Variants in HMX1 observed in about 807,000 individuals in gnomAD.
HMX1 encodes the protein homeobox protein HMX1.
In HMX1, 8 loss-of-function variants were observed where a neutral mutation model predicts 8.9. That is an observed-to-expected ratio of 0.90 (90% CI 0.53 to 1.63). HMX1 has a LOEUF of 1.63. HMX1 is among the 40% of genes most tolerant of loss of function. HMX1 has a pLI of 0.00. For synonymous variants in HMX1, 311 were observed against 283.4 expected (o/e 1.10, Z -0.98); for missense variants, 621 against 558.5 (o/e 1.11, Z -1.13).
rs147218860 is a variant in HMX1 at position 8,851,443 on chromosome 4, C to T, written c.395-5119G>A. ...TGCACCCCAAGGGGCAGCTGAGAAGCGAAGGCAGCCAGCACATTACTCCTA... is the reference window on the plus strand; with the variant it reads ...TGCACCCCAAGGGGCAGCTGAGAAGTGAAGGCAGCCAGCACATTACTCCTA... On this transcript the variant is annotated intron_variant, in intron 1 of 1. Transcript: ENST00000506970. 2.4e-3 allele frequency among the ~76,000 whole-genome samples: 361 copies of T among 152,284 alleles called. 2 individuals carry two copies. Among genetic ancestry groups the T allele is most frequent in the Non-Finnish European group, 3.8e-3 (256 of 68,026 alleles).
At chr4:8,866,671 C>G (rs1324778945), downstream of HMX1, among the ~76,000 whole-genome samples, 5 of 152,240 alleles carry the variant, frequency 3.3e-5, no homozygotes, top group Non-Finnish European at 5.9e-5. Context: ...AAGAAAAATT[C>G]CATACCAGAT....
chr4:8,864,018 G>T (rs139852216), downstream of HMX1, among the ~76,000 whole-genome samples: 1,444 of 152,300 alleles, frequency 9.5e-3, 15 homozygotes, highest in African/African-American at 0.033. Flanking sequence ...GTGGGGAGCT[G>T]ATTTCCCACC....
chr4:8,868,233 C>T lies in HMX1; in HGVS notation c.507G>A (p.Ala169=), dbSNP rs1012257587. Residue 169 remains alanine, a synonymous_variant, in exon 2 of 2, where the codon GCG becomes GCA. Transcript: ENST00000400677. The surrounding 1 kb of genome is among the most constrained non-coding windows in gnomAD (Gnocchi z 4.6). ...AVQREAAELA[A]RGPAAGTEEA... is the part of the protein sequence containing the mutation. The stretch of plus-strand genomic sequence containing the variant: ...CCTCCGTGCCGGCCGCCGGGCCACG[C>T]GCCGCCAGCTCCGCTGCCTCCCGCT... 34 of 1,436,138 alleles carry T rather than the reference C, an allele frequency of 2.4e-5. No homozygotes were observed. Among genetic ancestry groups the T allele is most frequent in the Non-Finnish European group, 2.9e-5 (32 of 1,100,288 alleles). 89.0% of individuals were successfully genotyped at this position (1,436,138 alleles called of 1,614,324 possible). A position where few individuals can be genotyped will look rare whatever the true frequency, so the allele number is the denominator to read the frequency against.
intron 1 of HMX1, among the ~76,000 whole-genome samples, chr4:8,869,851 G>C (rs1439716074): frequency 6.6e-6 from 1 of 152,182 alleles, no homozygotes; most frequent in East Asian, 1.9e-4. Context: ...TGCCACCTGG[G>C]CTGCAGGAGG....
downstream of HMX1, among the ~76,000 whole-genome samples, chr4:8,864,783 C>G (rs1721943565): frequency 1.3e-5 from 2 of 152,226 alleles, no homozygotes; most frequent in African/African-American, 4.8e-5. Flanking sequence ...GTTCCAGGCC[C>G]CAGCCCTTCC....
intron 1 of HMX1, among the ~76,000 whole-genome samples, chr4:8,857,826 C>T (rs1164136051): frequency 2.0e-5 from 3 of 152,140 alleles, no homozygotes; most frequent in Non-Finnish European, 2.9e-5. Context: ...TTGCCCTTGC[C>T]CCTGCCCAGA....
intron 1 of HMX1, among the ~76,000 whole-genome samples, chr4:8,854,909 A>C (rs1721562929): frequency 6.6e-6 from 1 of 152,278 alleles, no homozygotes; most frequent in South Asian, 2.1e-4. Context: ...AGAAGCGTGC[A>C]AAACAATTTC....
intron 1 of HMX1, among the ~76,000 whole-genome samples, chr4:8,861,388 C>T (rs543895454): frequency 7.0e-4 from 106 of 152,316 alleles, no homozygotes; most frequent in African/African-American, 2.3e-3. Flanking sequence ...GGAGCCTCTC[C>T]GCAAAGAAAT....
At chr4:8,858,375 G>T (rs1017005632) in intron 1 of HMX1, among the ~76,000 whole-genome samples, 1 of 152,192 alleles carries the variant, frequency 6.6e-6, no homozygotes, top group African/African-American at 2.4e-5. Context: ...GAGGGGTGAG[G>T]GGGCAAAAGG....
intron 1 of HMX1, among the ~76,000 whole-genome samples, chr4:8,861,044 C>G (rs1027274429): frequency 1.3e-5 from 2 of 151,870 alleles, no homozygotes; most frequent in African/African-American, 4.8e-5. Context: ...TGGGAAGGTC[C>G]CGGGCGGCCG....
intron 1 of HMX1, among the ~76,000 whole-genome samples, chr4:8,858,416 C>G (rs776781203): frequency 2.6e-5 from 4 of 152,190 alleles, no homozygotes; most frequent in African/African-American, 7.2e-5. Flanking sequence ...CAGAAGAAAA[C>G]AGGCCGGCGC....
At chr4:8,862,604 T>C (rs1721865346), downstream of HMX1, among the ~76,000 whole-genome samples, 1 of 152,238 alleles carries the variant, frequency 6.6e-6, no homozygotes, top group Non-Finnish European at 1.5e-5. Context: ...TAATAACTTT[T>C]TTTAAAATAA....
rs983329494 is a variant in HMX1, at chr4:8,848,250, T to C, written c.395-1926A>G. Among the ~76,000 whole-genome samples the C allele has an allele frequency of 4.6e-5, 7 of 152,224 alleles. No individual in the cohort carries two copies. Among genetic ancestry groups the C allele is most frequent in the Non-Finnish European group, 1.0e-4 (7 of 68,044 alleles). On this transcript the variant is annotated intron_variant, in intron 1 of 1. Coordinates refer to the HMX1 transcript ENST00000506970. The surrounding 1 kb of genome is among the most constrained non-coding windows in gnomAD (Gnocchi z 4.1). ...CATGTAAAGCAACTCAATATTTTTA[T>C]ATTGATTGCATACTGAAATGGTAAT...
chr4:8,865,600 C>A (rs1203884605), downstream of HMX1, among the ~76,000 whole-genome samples: 5 of 151,584 alleles, frequency 3.3e-5, no homozygotes, highest in East Asian at 9.8e-4. Flanking sequence ...GCCCAGAGGG[C>A]GAGGGTCCCA....
In HMX1 at chr4:8,849,119, C is replaced by T. The variant is rs192772456; in HGVS notation, c.395-2795G>A. Among the ~76,000 whole-genome samples the T allele has an allele frequency of 5.3e-5, 8 of 152,122 alleles. No homozygotes were observed. The East Asian group carries it at 9.8e-4, about 19-fold the overall frequency. On this transcript the variant is annotated intron_variant, in intron 1 of 1. Transcript: ENST00000506970. The surrounding 1 kb of genome is among the most constrained non-coding windows in gnomAD (Gnocchi z 6.6). ...AGCCTCGATTTTCCCATCTGTGAAA[C>T]GGGGGTATGAAGTGTGGGATGAAGC...
intron 1 of HMX1, among the ~76,000 whole-genome samples, chr4:8,855,060 G>A (rs1267879686): frequency 6.6e-6 from 1 of 152,236 alleles, no homozygotes; most frequent in Non-Finnish European, 1.5e-5. Flanking sequence ...CCATCCCTCA[G>A]CCAAGAACAG....
Position 8,858,420 on chromosome 4 carries a change from C to T in HMX1, c.395-12096G>A, listed in dbSNP as rs140163782. ...CGCAATTTTCGCAGAAGAAAACAGG[C>T]CGGCGCGGCTGGGGATGCGCTTCTG... is the stretch of plus-strand genomic sequence containing the variant. On this transcript the variant is annotated intron_variant, in intron 1 of 1. Coordinates refer to the HMX1 transcript ENST00000506970. 3.7e-3 allele frequency among the ~76,000 whole-genome samples: 571 copies of T among 152,320 alleles called. 9 individuals are homozygous for T. The highest frequency in any genetic ancestry group is 0.028 in the East Asian group (143 of 5,158).
At chr4:8,865,003 C>T (rs763972444), downstream of HMX1, among the ~76,000 whole-genome samples, 8 of 152,216 alleles carry the variant, frequency 5.3e-5, no homozygotes, top group Non-Finnish European at 1.0e-4. Context: ...GCTTGGTGAC[C>T]GGTTCCATGG....
chr4:8,860,275 G>A (rs1011210624), intron 1 of HMX1, among the ~76,000 whole-genome samples: 1 of 152,214 alleles, frequency 6.6e-6, no homozygotes, highest in East Asian at 1.9e-4. Flanking sequence ...GCAGGAGTCC[G>A]GGCACAGGCT....
Sources: gnomAD v4.1 joint callset for allele counts (sites outside exome capture counted in the v4.1 genomes callset) on GRCh38, gnomAD v4.1.1 for gene constraint, Gnocchi (gnomAD v3.1) non-coding constraint, MANE v1.5 for transcripts, NCBI Gene and HGNC (gene_info 2026-07-23, HGNC 2026-07-21) for gene names.